CAMK1D: variants seen among roughly 807,000 people sequenced by gnomAD.
The protein encoded by CAMK1D is calcium/calmodulin-dependent protein kinase type 1D.
A neutral mutation model predicts 47.7 loss-of-function variants in CAMK1D; 9 were observed. The observed-to-expected ratio is 0.19, with a 90% CI of 0.11 to 0.33. The LOEUF is 0.33. Among genes scored for constraint, CAMK1D ranks in the 10% least tolerant of loss-of-function variants. The pLI is 1.00. For missense variants in CAMK1D, 291 were observed against 488.7 expected, an observed-to-expected ratio of 0.60 and a Z score of 3.81; for synonymous variants, 184 against 184.9, an observed-to-expected ratio of 0.99 and a Z score of 0.04.
intron 3 of CAMK1D, among the ~76,000 whole-genome samples, chr10:12,751,676 G>C (rs1179917831): frequency 6.6e-6 from 1 of 152,174 alleles, no homozygotes; most frequent in Non-Finnish European, 1.5e-5. Context: ...CTAGGGGTCA[G>C]GAAAGGCATA....
At chr10:12,600,396 A>G (rs1838266766) in intron 2 of CAMK1D, among the ~76,000 whole-genome samples, 1 of 152,182 alleles carries the variant, frequency 6.6e-6, no homozygotes, top group Admixed American at 6.5e-5. Flanking sequence ...GCAAACCTAG[A>G]AAGAGTCCCT....
intron 1 of CAMK1D, among the ~76,000 whole-genome samples, chr10:12,520,123 C>T (rs1588583235): frequency 1.3e-5 from 1 of 79,792 alleles, no homozygotes; most frequent in Non-Finnish European, 2.7e-5. Context: ...AGAGGCTCCT[C>T]ACTTCCCAGA....
At chr10:12,484,946 TCTC>T (rs566319610) in intron 1 of CAMK1D, among the ~76,000 whole-genome samples, 59 of 152,210 alleles carry the variant, frequency 3.9e-4, no homozygotes, top group African/African-American at 1.3e-3. Flanking sequence ...CTTCTTCCCT[TCTC>T]CTCCTACCCC....
chr10:12,710,303 A>G (rs1833888503), intron 3 of CAMK1D, among the ~76,000 whole-genome samples: 2 of 152,212 alleles, frequency 1.3e-5, no homozygotes, highest in South Asian at 4.1e-4. Flanking sequence ...TAAGTAACAC[A>G]CTACTGCCAC....
At chr10:12,770,219 G>A (rs895452070) in intron 5 of CAMK1D, among the ~76,000 whole-genome samples, 1 of 152,178 alleles carries the variant, frequency 6.6e-6, no homozygotes, top group African/African-American at 2.4e-5. Context: ...ATTGATGGAG[G>A]AACCTGGTTC....
At chr10:12,590,302 C>T (rs190126691) in intron 2 of CAMK1D, among the ~76,000 whole-genome samples, 134 of 152,294 alleles carry the variant, frequency 8.8e-4, no homozygotes, top group African/African-American at 2.9e-3. Context: ...ACTGCAGCCT[C>T]GACCTCCTGG....
At chr10:12,725,640 G>A (rs1310853406) in intron 3 of CAMK1D, among the ~76,000 whole-genome samples, 1 of 152,178 alleles carries the variant, frequency 6.6e-6, no homozygotes, top group African/African-American at 2.4e-5. Context: ...TCGGCATCTT[G>A]CAGGAAAGAG....
chr10:12,791,380 T>C, intron 6 of CAMK1D, 147 bp downstream of exon 6: 1 of 650,080 alleles, frequency 1.5e-6, no homozygotes, highest in East Asian at 2.7e-5. Flanking sequence ...TCAGTGGCAT[T>C]AAGTCCATTC....
chr10:12,744,947 T>C (rs1835596383), intron 3 of CAMK1D, among the ~76,000 whole-genome samples: 1 of 152,224 alleles, frequency 6.6e-6, no homozygotes, highest in Non-Finnish European at 1.5e-5. Context: ...CTCTCAGTTC[T>C]GTGCCCACGA....
chr10:12,437,638 C>G (rs1370679790), intron 1 of CAMK1D, among the ~76,000 whole-genome samples: 1 of 152,194 alleles, frequency 6.6e-6, no homozygotes, highest in Admixed American at 6.5e-5. Context: ...CATTTTGTTA[C>G]AGCTGATGAA....
At chr10:12,480,177 C>T (rs973687339) in intron 1 of CAMK1D, among the ~76,000 whole-genome samples, 12 of 152,070 alleles carry the variant, frequency 7.9e-5, no homozygotes, top group Admixed American at 2.0e-4. Flanking sequence ...TGGCCGGGCT[C>T]GGTGGCTCAC....
At chr10:12,747,297 T>TG (rs2130863293) in intron 3 of CAMK1D, among the ~76,000 whole-genome samples, 1 of 152,278 alleles carries the variant, frequency 6.6e-6, no homozygotes, top group African/African-American at 2.4e-5. Flanking sequence ...CCCAAAGTGC[T>TG]GGGATTACCG....
intron 2 of CAMK1D, among the ~76,000 whole-genome samples, chr10:12,621,805 GTGTGTGTGTA>G (rs1213681626): frequency 3.2e-4 from 49 of 152,070 alleles, no homozygotes; most frequent in African/African-American, 1.2e-3. Context: ...TTCTAGTTGT[GTGTGTGTGTA>G]TGTGTGTGTG....
chr10:12,387,909 G>A (rs951789669), intron 1 of CAMK1D, among the ~76,000 whole-genome samples: 1 of 151,926 alleles, frequency 6.6e-6, no homozygotes, highest in Non-Finnish European at 1.5e-5. Context: ...TTTCCCTTTC[G>A]CCCCTGCTGG....
chr10:12,795,528 A>C (rs1298022327), intron 6 of CAMK1D, among the ~76,000 whole-genome samples: 1 of 152,162 alleles, frequency 6.6e-6, no homozygotes, highest in East Asian at 1.9e-4. Flanking sequence ...AGCCACTGTA[A>C]TGGAAAAGAG....
chr10:12,484,390 G>C (rs1372891642), intron 1 of CAMK1D, among the ~76,000 whole-genome samples: 1 of 152,228 alleles, frequency 6.6e-6, no homozygotes, highest in Admixed American at 6.5e-5. Context: ...GGCTAAAACA[G>C]GAAGAAGAAA....
At chr10:12,726,617 C>T (rs1160660915) in intron 3 of CAMK1D, among the ~76,000 whole-genome samples, 2 of 152,100 alleles carry the variant, frequency 1.3e-5, no homozygotes, top group African/African-American at 4.8e-5. Context: ...TATTTTTATA[C>T]CTGCTGTATA....
At chr10:12,576,448 T>C (rs1831085) in intron 2 of CAMK1D, among the ~76,000 whole-genome samples, 1 of 152,092 alleles carries the variant, frequency 6.6e-6, no homozygotes, top group Non-Finnish European at 1.5e-5. Flanking sequence ...ATTACATTTA[T>C]TGTGTACTTT....
chr10:12,815,359 C>A (rs1344444695), intron 7 of CAMK1D, among the ~76,000 whole-genome samples: 9 of 152,198 alleles, frequency 5.9e-5, no homozygotes, highest in Admixed American at 5.9e-4. Flanking sequence ...TGGGACAATG[C>A]GTTCTAGTCT....
Sources: gnomAD v4.1 joint callset for allele counts (sites outside exome capture counted in the v4.1 genomes callset) on GRCh38, gnomAD v4.1.1 for gene constraint, MANE v1.5 for transcripts, NCBI Gene and HGNC (gene_info 2026-07-23, HGNC 2026-07-21) for gene names.